The following TMEM131 variants were observed in gnomAD, a reference collection of about 807,000 sequenced individuals.
The protein encoded by TMEM131 is 2610524E03Rik.
A neutral mutation model predicts 211.6 loss-of-function variants in TMEM131; 66 were observed. That is an observed-to-expected ratio of 0.31 (90% confidence interval 0.26 to 0.38). The LOEUF (loss-of-function observed/expected upper bound fraction) is 0.38. TMEM131 is among the 10% of genes least tolerant of loss of function. TMEM131 has a pLI of 1.00. For synonymous variants in TMEM131, 844 were observed against 841.3 expected (o/e 1.00, Z -0.06); for missense variants, 2,036 against 2,299.3 (o/e 0.89, Z 2.34).
Position 97,775,957 on chromosome 2 carries a change from C to T in TMEM131, c.4206G>A (p.Lys1402=), listed in dbSNP as rs1387874346. ...CTTCCTGTGGCTTTCCCTTTCCCTT[C>T]TTCTCCTTTTCCTCTTGCTTCTTAG... ...KPPKKQEEKE[K]KGKGKPQEDE... is the part of the protein sequence containing the mutation. Residue 1402 remains lysine, a synonymous_variant, in exon 32 of 41, where the codon AAG becomes AAA. Transcript: ENST00000186436. The T allele has an allele frequency of 6.2e-7, 1 of 1,613,998 alleles. No individual in the cohort carries two copies. Among genetic ancestry groups the T allele is most frequent in the South Asian group, 1.1e-5 (1 of 91,068 alleles).
At chr2:97,911,184 C>CA (rs1461289388) in intron 2 of TMEM131, among the ~76,000 whole-genome samples, 1 of 152,056 alleles carries the variant, frequency 6.6e-6, no homozygotes, top group Non-Finnish European at 1.5e-5. Flanking sequence ...GTGGAACAAC[C>CA]CAGACCCTCA....
At chr2:97,938,672 G>A (rs1276267124) in intron 1 of TMEM131, among the ~76,000 whole-genome samples, 1 of 152,134 alleles carries the variant, frequency 6.6e-6, no homozygotes, top group Non-Finnish European at 1.5e-5. Flanking sequence ...TCTGCACCAA[G>A]CAGACCTAAT....
At chr2:97,948,249 A>G (rs1655989711) in intron 1 of TMEM131, among the ~76,000 whole-genome samples, 1 of 152,194 alleles carries the variant, frequency 6.6e-6, no homozygotes, top group African/African-American at 2.4e-5. Flanking sequence ...CACTGTTACA[A>G]AAGTAAAAAT....
At chr2:97,866,039 C>T (rs567892783) in intron 4 of TMEM131, among the ~76,000 whole-genome samples, 8 of 152,300 alleles carry the variant, frequency 5.3e-5, no homozygotes, top group South Asian at 4.1e-4. Flanking sequence ...CCCACTAACA[C>T]GCCTGGCTAA....
Position 97,792,872 on chromosome 2 carries a change from G to A in TMEM131, c.3658C>T (p.Pro1220Ser), listed in dbSNP as rs1289097215. 1.2e-6 allele frequency: 2 copies of A among 1,613,552 alleles called. No individual in the cohort carries two copies. Among genetic ancestry groups the A allele is most frequent in the Admixed American group, 3.3e-5 (2 of 59,986 alleles). ...SHKQCGPSVH[P>S]HSSHSNRNSA... is the part of the protein sequence containing the mutation. ...TTTCTATTGCTGTGACTGCTGTGTGGGTGGACCGATGGGCCACACTGCTTA... is the reference window on the plus strand; with the variant it reads ...TTTCTATTGCTGTGACTGCTGTGTGAGTGGACCGATGGGCCACACTGCTTA... Residue 1220 changes from proline (P) to serine (S), a missense_variant, in exon 31 of 41, where the codon CCA (proline) becomes TCA (serine). This residue lies in a region of TMEM131 where 1,623 missense variants were observed against 1,805.9 expected (regional missense o/e 0.90). Coordinates refer to ENST00000186436, the MANE Select transcript of TMEM131 (RefSeq NM_015348.2).
intron 6 of TMEM131, among the ~76,000 whole-genome samples, chr2:97,843,015 C>A (rs144248472): frequency 9.9e-5 from 15 of 151,282 alleles, no homozygotes; most frequent in Non-Finnish European, 1.6e-4. Flanking sequence ...TCTGACTGAC[C>A]CTTATTTTAT....
At chr2:97,856,396 T>C (rs967000267) in intron 5 of TMEM131, among the ~76,000 whole-genome samples, 1 of 152,200 alleles carries the variant, frequency 6.6e-6, no homozygotes, top group African/African-American at 2.4e-5. Flanking sequence ...TTCTTTTTGA[T>C]TTTCAGGTGG....
chr2:97,976,347 A>C (rs1679533630), intron 1 of TMEM131, among the ~76,000 whole-genome samples: 1 of 152,208 alleles, frequency 6.6e-6, no homozygotes, highest in South Asian at 2.1e-4. Context: ...ACAGAATACA[A>C]GATCAACATA....
chr2:97,959,119 C>T (rs756206332), intron 1 of TMEM131, among the ~76,000 whole-genome samples: 2 of 151,944 alleles, frequency 1.3e-5, no homozygotes, highest in African/African-American at 4.8e-5. Flanking sequence ...CAGAGAGAAG[C>T]CAGACTCTAA....
chr2:97,811,322 C>G, intron 17 of TMEM131, 90 bp from the exon 18 acceptor site: 1 of 837,596 alleles, frequency 1.2e-6, no homozygotes, highest in Non-Finnish European at 2.0e-6. Flanking sequence ...GATAAAATGA[C>G]TAACAAATCC....
intron 31 of TMEM131, among the ~76,000 whole-genome samples, chr2:97,779,545 T>G (rs762346888): frequency 6.6e-5 from 10 of 152,218 alleles, no homozygotes; most frequent in Non-Finnish European, 1.2e-4. Context: ...AAATCTTTTG[T>G]TAGGTCAGTA....
At chr2:97,801,240 G>C (rs1413922357) in intron 25 of TMEM131, among the ~76,000 whole-genome samples, 1 of 152,240 alleles carries the variant, frequency 6.6e-6, no homozygotes, top group Non-Finnish European at 1.5e-5. Flanking sequence ...ACAAGGGCAT[G>C]GTGGCCAAAA....
At chr2:97,920,861 A>C (rs1409415785) in intron 2 of TMEM131, among the ~76,000 whole-genome samples, 10 of 152,182 alleles carry the variant, frequency 6.6e-5, no homozygotes, top group Admixed American at 5.2e-4. Context: ...AAATAAGTTG[A>C]AAAATATACT....
chr2:97,856,735 T>C (rs977023515), intron 5 of TMEM131, among the ~76,000 whole-genome samples: 10 of 152,094 alleles, frequency 6.6e-5, no homozygotes, highest in African/African-American at 1.2e-4. Flanking sequence ...GGAGAGGAAA[T>C]AGGTTATTTC....
Position 97,760,584 on chromosome 2 carries a change from C to T in TMEM131, c.5108+9G>A, listed in dbSNP as rs1261771815. 4 of 1,605,598 alleles carry T rather than the reference C, an allele frequency of 2.5e-6. No individual in the cohort carries two copies. Among genetic ancestry groups the T allele is most frequent in the East Asian group, 4.5e-5 (2 of 44,636 alleles). ...CGTCTTTCTAGCGGTTAGTGGTGGT[C>T]TACCGTACCTGTCTGAGCCATCGCT... On this transcript the variant is annotated intron_variant, in intron 38 of 40. Coordinates refer to ENST00000186436, the MANE Select transcript of TMEM131 (RefSeq NM_015348.2).
chr2:97,975,474 TAGTA>T (rs772579243), intron 1 of TMEM131, among the ~76,000 whole-genome samples: 60 of 152,220 alleles, frequency 3.9e-4, no homozygotes, highest in Non-Finnish European at 7.4e-5. Context: ...ATTCAAAAGA[TAGTA>T]AGGGAACATT....
chr2:97,802,122 AC>A (rs1161799385), intron 24 of TMEM131, among the ~76,000 whole-genome samples, 161 bp from the exon 25 acceptor site: 1 of 152,234 alleles, frequency 6.6e-6, no homozygotes, highest in Admixed American at 6.5e-5. Flanking sequence ...AAAGGCCACA[AC>A]TTGTAATTAA....
intron 38 of TMEM131, 38 bp from the exon 39 acceptor site, chr2:97,759,787 G>C: frequency 2.7e-6 from 4 of 1,507,552 alleles, no homozygotes; most frequent in Non-Finnish European, 2.7e-6. Context: ...ACACAAAAAT[G>C]TATGGTGGTT....
intron 3 of TMEM131, 83 bp downstream of exon 3, chr2:97,908,575 G>GC: frequency 1.0e-6 from 1 of 987,456 alleles, no homozygotes; most frequent in Non-Finnish European, 1.5e-6. Flanking sequence ...ACCAAAATGA[G>GC]CAAGGGGAAA....
Sources: gnomAD v4.1 joint callset for allele counts (sites outside exome capture counted in the v4.1 genomes callset) on GRCh38, gnomAD v4.1.1 for gene constraint, gnomAD v4.1.1 regional missense constraint, MANE v1.5 for transcripts, NCBI Gene and HGNC (gene_info 2026-07-23, HGNC 2026-07-21) for gene names.